Variants in MATR3 observed in about 807,000 individuals in gnomAD.
MATR3 encodes matrin-3.
Under a neutral mutation model 85.5 loss-of-function variants are expected in MATR3, and 4 were observed. The ratio of observed to expected loss-of-function variants is 0.05; its 90% confidence interval spans 0.02 to 0.11. The LOEUF (loss-of-function observed/expected upper bound fraction) is 0.11. Ranked by LOEUF, MATR3 falls within the 10% of genes least tolerant of loss-of-function variation. The pLI is 1.00. For missense variants in MATR3, 685 were observed against 1,016.1 expected (o/e 0.67, Z 4.43); for synonymous variants, 336 against 343.1 (o/e 0.98, Z 0.23).
intron 1 of MATR3, among the ~76,000 whole-genome samples, chr5:139,275,594 C>T (rs913532933): frequency 6.6e-6 from 1 of 152,170 alleles, no homozygotes; most frequent in Non-Finnish European, 1.5e-5. Flanking sequence ...TGAGGATTAG[C>T]TTATATTTCA....
chr5:139,326,995 C>G (rs191745706), intron 14 of MATR3, among the ~76,000 whole-genome samples: 7 of 151,998 alleles, frequency 4.6e-5, no homozygotes, highest in Non-Finnish European at 7.4e-5. Flanking sequence ...ATTTTTATGA[C>G]CAAAAGTATA....
rs1755588452 is a variant in MATR3, at chr5:139,321,807, T to A, written c.1603-91T>A. The A allele has an allele frequency of 1.0e-5, 14 of 1,353,148 alleles. No homozygotes were observed. In the East Asian group the frequency reaches 3.4e-4, roughly 33 times the overall value. 83.8% of individuals were successfully genotyped at this position (1,353,148 alleles called of 1,614,324 possible). A position where few individuals can be genotyped will look rare whatever the true frequency, so the allele number is the denominator to read the frequency against. The stretch of plus-strand genomic sequence containing the variant: ...CAAAAAAGAAAAAAAGTAATGAAAA[T>A]TTTCTAACCAGTAGGTAGAATACAT... On this transcript the variant is annotated intron_variant, in intron 9 of 14. Coordinates refer to ENST00000394805, the MANE Select transcript of MATR3 (RefSeq NM_018834.6).
At chr5:139,281,405 C>T (rs867575055) in intron 3 of MATR3, among the ~76,000 whole-genome samples, 4 of 146,048 alleles carry the variant, frequency 2.7e-5, no homozygotes, top group African/African-American at 1.0e-4. Flanking sequence ...TGCAGTGGCA[C>T]GATCTCAGCT....
At chr5:139,293,829 C>T (rs934607375) in intron 1 of MATR3, 24 bp downstream of exon 1, 3 of 424,940 alleles carry the variant, frequency 7.1e-6, no homozygotes, top group Admixed American at 4.4e-5. Context: ...GGGTAAGAGT[C>T]GGGGTCGGGT....
At chr5:139,276,509 C>T (rs757782657) in intron 2 of MATR3, among the ~76,000 whole-genome samples, 10 of 152,034 alleles carry the variant, frequency 6.6e-5, no homozygotes, top group East Asian at 1.9e-4. Flanking sequence ...TGTTGGGCTG[C>T]GGGTTGGAAA....
chr5:139,279,247 G>T (rs957484323), intron 3 of MATR3: 1 of 439,122 alleles, frequency 2.3e-6, no homozygotes, highest in Admixed American at 2.4e-5. Flanking sequence ...TTTTTGGGGG[G>T]GGACGGAGTC....
At chr5:139,293,885 C>A in intron 1 of MATR3, 80 bp downstream of exon 1, 1 of 892,938 alleles carries the variant, frequency 1.1e-6, no homozygotes, top group Non-Finnish European at 1.5e-6. Flanking sequence ...ACGACGGCGA[C>A]AGGGGCTGCG....
upstream of MATR3, among the ~76,000 whole-genome samples, chr5:139,290,241 T>C (rs1753827589): frequency 6.6e-6 from 1 of 151,454 alleles, no homozygotes; most frequent in Non-Finnish European, 1.5e-5. Context: ...AGTGGTGTGA[T>C]CATGGCTCAC....
At chr5:139,301,645 C>A (rs527791913) in intron 1 of MATR3, among the ~76,000 whole-genome samples, 4 of 152,078 alleles carry the variant, frequency 2.6e-5, no homozygotes, top group Non-Finnish European at 5.9e-5. Context: ...TGAAAGAAAT[C>A]ACTGATTTTG....
intron 1 of MATR3, among the ~76,000 whole-genome samples, chr5:139,275,919 C>G (rs773954701): frequency 6.6e-6 from 1 of 152,184 alleles, no homozygotes; most frequent in Non-Finnish European, 1.5e-5. Flanking sequence ...TTTGTTTAAT[C>G]GACTCTTTTG....
Position 139,326,400 on chromosome 5 carries a change from C to T in MATR3, c.2493+116C>T, listed in dbSNP as rs184932260. The stretch of plus-strand genomic sequence containing the variant: ...CTCTAGACTCAGTGCAGTGCTTTCT[C>T]CTGAAGATAACTTTTTATTTACTTT... On this transcript the variant is annotated intron_variant, in intron 14 of 14. Transcript: ENST00000394805. The T allele has an allele frequency of 6.5e-6, 6 of 918,536 alleles. No individual in the cohort carries two copies. In the African/African-American group the frequency reaches 8.5e-5, roughly 13 times the overall value. The allele number at this position is 918,536 out of a possible 1,614,324, so 56.9% of individuals were successfully genotyped here.
chr5:139,311,037 A>G (rs1367815966), intron 2 of MATR3: 1 of 152,144 alleles, frequency 6.6e-6, no homozygotes, highest in Non-Finnish European at 1.5e-5. Flanking sequence ...ACCTCAGGTG[A>G]TTCACTGCCT....
At position 139,307,692 on chromosome 5, in the gene MATR3, G is replaced by A. The variant is rs1368552341; in HGVS notation, c.277G>A (p.Gly93Ser). The A allele has an allele frequency of 6.2e-7, 1 of 1,614,108 alleles. No homozygotes were observed. Among genetic ancestry groups the A allele is most frequent in the Non-Finnish European group, 8.5e-7 (1 of 1,179,992 alleles). ...LQSIFNIGSR[G>S]PLPLSSQHRG... is the part of the protein sequence containing the mutation. ...GTCTATATTTAACATTGGAAGTAGA[G>A]GTCCACTCCCTTTATCTTCTCAACA... Residue 93 changes from glycine (G) to serine (S), a missense_variant, in exon 2 of 15, where the codon GGT becomes AGT. Coordinates refer to ENST00000394805, the MANE Select transcript of MATR3 (RefSeq NM_018834.6). The surrounding 1 kb of genome is among the most constrained non-coding windows in gnomAD (Gnocchi z 4.4).
chr5:139,322,909 A>C lies in MATR3; in HGVS notation c.2090A>C (p.Asp697Ala). The C allele has an allele frequency of 6.2e-7, 1 of 1,614,088 alleles. No homozygotes were observed. Among genetic ancestry groups the C allele is most frequent in the Non-Finnish European group, 8.5e-7 (1 of 1,180,006 alleles). Residue 697 changes from aspartate (D) to alanine (A), a missense_variant, in exon 12 of 15, where the codon GAT becomes GCT. This residue lies in a region of MATR3 where 215 missense variants were observed against 194.7 expected (regional missense o/e 1.10). Coordinates refer to ENST00000394805, the MANE Select transcript of MATR3 (RefSeq NM_018834.6). The part of the protein sequence containing the change: ...VASDGKKEPS[D>A]KAVKKDGSAS... ...TCTGATGGGAAAAAGGAACCATCAG[A>C]TAAAGCTGTGAAAAAAGATGGAAGT...
rs1476950724 is a variant in MATR3, at chr5:139,329,571, T to C, written c.*176T>C. 3 of 627,408 alleles carry C rather than the reference T, an allele frequency of 4.8e-6. No individual in the cohort carries two copies. The highest frequency in any genetic ancestry group is 3.1e-5 in the South Asian group (2 of 64,568). The allele number at this position is 627,408 out of a possible 1,614,324, so 38.9% of individuals were successfully genotyped here. On this transcript the variant is annotated 3_prime_UTR_variant, in exon 15 of 15. Coordinates refer to ENST00000394805, the MANE Select transcript of MATR3 (RefSeq NM_018834.6). ...AGTGTTATAGCAAAAAAAATACACA[T>C]ATGGTTAAGTTAATGAATAGTTTTT... is the stretch of plus-strand genomic sequence containing the variant.
intron 1 of MATR3, 93 bp downstream of exon 1, chr5:139,293,898 G>C (rs1004909112): frequency 5.8e-6 from 6 of 1,030,358 alleles, no homozygotes; most frequent in South Asian, 8.4e-5. Flanking sequence ...GGGCTGCGGG[G>C]AGCCGGCGGC....
intron 2 of MATR3, among the ~76,000 whole-genome samples, chr5:139,277,107 TGATAGGTGTGTG>T (rs1561916612): frequency 6.6e-6 from 1 of 152,202 alleles, no homozygotes; most frequent in Non-Finnish European, 1.5e-5. Context: ...GTAGTTGGGA[TGATAGGTGTGTG>T]CCACCACAAC....
chr5:139,321,646 T>G (rs879943876), intron 9 of MATR3, among the ~76,000 whole-genome samples: 1 of 152,002 alleles, frequency 6.6e-6, no homozygotes, highest in Non-Finnish European at 1.5e-5. Context: ...AGCCAGGCAT[T>G]GGTGGTGCAT....
intron 2 of MATR3, chr5:139,314,196 C>A: frequency 5.6e-6 from 1 of 177,708 alleles, no homozygotes; most frequent in South Asian, 1.2e-4. Context: ...GGATTATAGG[C>A]ATGAGCCACC....
Sources: allele counts gnomAD v4.1 joint callset (sites outside exome capture counted in the v4.1 genomes callset), GRCh38; gene constraint gnomAD v4.1.1; regional missense constraint gnomAD v4.1.1; non-coding constraint Gnocchi (gnomAD v3.1); transcripts MANE v1.5; gene names NCBI Gene and HGNC (gene_info 2026-07-23, HGNC 2026-07-21).